GLI2: variants seen among roughly 807,000 people sequenced by gnomAD.
GLI2 encodes GLI family zinc finger 2.
A neutral mutation model predicts 78.9 loss-of-function variants in GLI2; 22 were observed. The ratio of observed to expected loss-of-function variants is 0.28; its 90% CI spans 0.20 to 0.40. The LOEUF is 0.40. GLI2 is among the 10% of genes least tolerant of loss of function. The pLI, the probability that GLI2 is intolerant of heterozygous loss-of-function variation, is 1.00. For synonymous variants in GLI2, 974 were observed against 963.7 expected (o/e 1.01, Z -0.20); for missense variants, 2,097 against 2,213.2 (o/e 0.95, Z 1.05).
chr2:120,902,683 C>T (rs889306334), intron 2 of GLI2, among the ~76,000 whole-genome samples: 3 of 152,216 alleles, frequency 2.0e-5, no homozygotes, highest in African/African-American at 7.2e-5. Flanking sequence ...TGCCCCTCGC[C>T]GGGTCCCTCC....
intron 2 of GLI2, among the ~76,000 whole-genome samples, chr2:120,821,205 TTG>T (rs1380786719): frequency 6.6e-6 from 1 of 151,898 alleles, no homozygotes; most frequent in Admixed American, 6.6e-5. Flanking sequence ...TTCTCTCGAG[TTG>T]CAAAGGTGCA....
chr2:120,736,839 G>A (rs1188009286), intron 1 of GLI2, among the ~76,000 whole-genome samples: 1 of 146,450 alleles, frequency 6.8e-6, no homozygotes, highest in African/African-American at 2.5e-5. Flanking sequence ...GCCCGGCCCG[G>A]CCGCCCCCTC....
intron 1 of GLI2, among the ~76,000 whole-genome samples, chr2:120,742,324 G>C (rs1385637444): frequency 6.6e-6 from 1 of 152,146 alleles, no homozygotes; most frequent in Non-Finnish European, 1.5e-5. Context: ...GAGCGTCCCT[G>C]GGTCCAAGAT....
intron 2 of GLI2, among the ~76,000 whole-genome samples, chr2:120,897,175 C>T (rs1230392957): frequency 6.6e-6 from 1 of 152,222 alleles, no homozygotes; most frequent in African/African-American, 2.4e-5. Flanking sequence ...GGCCACAGCT[C>T]CTGGTCTTGT....
intron 1 of GLI2, among the ~76,000 whole-genome samples, chr2:120,780,153 T>G (rs1683795255): frequency 2.6e-5 from 4 of 152,124 alleles, no homozygotes; most frequent in African/African-American, 9.7e-5. Context: ...TTAGCAGTTA[T>G]CACTGAAGAG....
At chr2:120,859,156 A>T (rs1206710254) in intron 2 of GLI2, among the ~76,000 whole-genome samples, 1 of 152,226 alleles carries the variant, frequency 6.6e-6, no homozygotes, top group East Asian at 1.9e-4. Flanking sequence ...CTGCCTTAGG[A>T]TCTCCAAAAC....
chr2:120,795,943 G>A (rs1684370784), intron 1 of GLI2, among the ~76,000 whole-genome samples: 1 of 152,102 alleles, frequency 6.6e-6, no homozygotes. Flanking sequence ...CAGCTACTCA[G>A]GATTGCAGGA....
chr2:120,762,358 G>A (rs192818681), intron 1 of GLI2, among the ~76,000 whole-genome samples: 7 of 152,238 alleles, frequency 4.6e-5, no homozygotes, highest in East Asian at 3.9e-4. Context: ...ATGAAAAAAC[G>A]GAGGTGCCAC....
At chr2:120,758,313 G>T (rs551461955) in intron 1 of GLI2, among the ~76,000 whole-genome samples, 1 of 152,256 alleles carries the variant, frequency 6.6e-6, no homozygotes, top group African/African-American at 2.4e-5. Context: ...CTGCATCAGG[G>T]CAGAAAGCCC....
At position 120,988,932 on chromosome 2, in the gene GLI2, C is replaced by T. The variant is rs373880077; in HGVS notation, c.2967C>T (p.Gly989=). ...GPLPPCADRR[G]LRLQSHPSTD... Reference sequence around the variant, plus strand: ...TGCCGCCCTGTGCCGACAGGCGAGGCCTCCGCCTGCAGAGCCACCCGAGCA... The same window carrying T: ...TGCCGCCCTGTGCCGACAGGCGAGGTCTCCGCCTGCAGAGCCACCCGAGCA... Residue 989 remains glycine, a synonymous_variant, in exon 14 of 14, where the codon GGC becomes GGT. Coordinates refer to ENST00000361492, the MANE Select transcript of GLI2 (RefSeq NM_001374353.1). 6,146 of 1,527,440 alleles carry T rather than the reference C, an allele frequency of 4.0e-3. 26 individuals carry two copies. Among genetic ancestry groups the T allele is most frequent in the South Asian group, 0.01 (877 of 84,412 alleles). 94.6% of individuals were successfully genotyped at this position (1,527,440 alleles called of 1,614,324 possible).
chr2:120,807,481 A>G (rs1194322773), intron 2 of GLI2, among the ~76,000 whole-genome samples: 1 of 152,176 alleles, frequency 6.6e-6, no homozygotes, highest in African/African-American at 2.4e-5. Flanking sequence ...TTCTGAGGGT[A>G]GCGCATACGT....
intron 1 of GLI2, among the ~76,000 whole-genome samples, chr2:120,782,781 G>A (rs761310187): frequency 2.6e-5 from 4 of 152,328 alleles, no homozygotes; most frequent in African/African-American, 9.6e-5. Flanking sequence ...CACCGCTGGC[G>A]CAATTTGGAG....
At chr2:120,962,373 G>A (rs935938227) in intron 5 of GLI2, among the ~76,000 whole-genome samples, 2 of 152,132 alleles carry the variant, frequency 1.3e-5, no homozygotes, top group East Asian at 1.9e-4. Context: ...TCTCCTACAT[G>A]GTGAGCTCCA....
intron 2 of GLI2, among the ~76,000 whole-genome samples, chr2:120,906,647 C>T (rs1470568626): frequency 6.6e-6 from 1 of 152,010 alleles, no homozygotes. Context: ...GCTCTGGCCT[C>T]CTTTCTGTAA....
At chr2:120,932,994 G>A (rs1271558001) in intron 3 of GLI2, among the ~76,000 whole-genome samples, 1 of 152,144 alleles carries the variant, frequency 6.6e-6, no homozygotes, top group Non-Finnish European at 1.5e-5. Context: ...GGAGTGGTCA[G>A]ATTTATTTTC....
intron 2 of GLI2, among the ~76,000 whole-genome samples, chr2:120,881,755 GT>G (rs1427173511): frequency 4.8e-4 from 1 of 2,078 alleles, no homozygotes; most frequent in Non-Finnish European, 1.1e-3. Context: ...ACAGTGCGGA[GT>G]GGCACGGTCG....
chr2:120,983,946 G>GGTGTGT (rs5833859), intron 11 of GLI2, among the ~76,000 whole-genome samples: 35 of 143,210 alleles, frequency 2.4e-4, no homozygotes, highest in African/African-American at 8.1e-4. Flanking sequence ...TGGTGTGTGG[G>GGTGTGT]GTGTGTGTGT....
chr2:120,867,419 C>A (rs1688192919), intron 2 of GLI2: 2 of 152,274 alleles, frequency 1.3e-5, no homozygotes, highest in South Asian at 4.1e-4. Flanking sequence ...CCCTGGCCGC[C>A]GCCGGTTATA....
intron 3 of GLI2, among the ~76,000 whole-genome samples, chr2:120,937,536 A>C (rs897330953): frequency 2.0e-5 from 3 of 152,114 alleles, no homozygotes; most frequent in African/African-American, 7.2e-5. Context: ...CAGGAACAGA[A>C]AGCGCTTATC....
Sources: gnomAD v4.1 joint callset for allele counts (sites outside exome capture counted in the v4.1 genomes callset) on GRCh38, gnomAD v4.1.1 for gene constraint, MANE v1.5 for transcripts, NCBI Gene and HGNC (gene_info 2026-07-23, HGNC 2026-07-21) for gene names.